KCNIP4: variants seen among roughly 807,000 people sequenced by gnomAD.
The protein encoded by KCNIP4 is Kv channel-interacting protein 4.
In KCNIP4, 12 loss-of-function variants were observed where a neutral mutation model predicts 34.0. The observed-to-expected ratio is 0.35, with a 90% CI of 0.23 to 0.57. The LOEUF is 0.57. Among genes scored for constraint, KCNIP4 ranks in the 20% least tolerant of loss-of-function variants. The pLI is 0.83. For missense variants in KCNIP4, 238 were observed against 311.7 expected (o/e 0.76, Z 1.78); for synonymous variants, 124 against 102.2 (o/e 1.21, Z -1.29).
At chr4:21,057,206 T>C (rs1743486305) in intron 1 of KCNIP4, among the ~76,000 whole-genome samples, 1 of 152,124 alleles carries the variant, frequency 6.6e-6, no homozygotes. Flanking sequence ...TTACAATGCG[T>C]ACAAATCATA....
intron 1 of KCNIP4, among the ~76,000 whole-genome samples, chr4:21,439,271 C>T (rs1727235636): frequency 6.6e-6 from 1 of 151,758 alleles, no homozygotes; most frequent in East Asian, 1.9e-4. Flanking sequence ...ATGTAGATGG[C>T]TTTTTCAAGG....
chr4:21,565,130 A>C (rs1739759193), intron 1 of KCNIP4, among the ~76,000 whole-genome samples: 1 of 152,116 alleles, frequency 6.6e-6, no homozygotes, highest in African/African-American at 2.4e-5. Flanking sequence ...ACCATAACAA[A>C]ATACCATAGA....
At chr4:21,083,062 G>C (rs956324600) in intron 1 of KCNIP4, among the ~76,000 whole-genome samples, 7 of 151,724 alleles carry the variant, frequency 4.6e-5, no homozygotes, top group African/African-American at 1.5e-4. Flanking sequence ...GGTCTCTTTG[G>C]TTTCAAAGGC....
chr4:21,532,717 C>G (rs73801663), intron 1 of KCNIP4, among the ~76,000 whole-genome samples: 1 of 152,114 alleles, frequency 6.6e-6, no homozygotes, highest in Non-Finnish European at 1.5e-5. Flanking sequence ...AGTGTAGCCA[C>G]TTGCCTTTAG....
At position 21,104,166 on chromosome 4, in the gene KCNIP4, T is replaced by C. The variant is rs538120902; in HGVS notation, c.62-221457A>G. 3.5e-4 allele frequency among the ~76,000 whole-genome samples: 48 copies of C among 138,302 alleles called. No homozygotes were observed. The South Asian group carries it at 6.0e-3, about 17-fold the overall frequency. The allele number at this position is 138,302 out of a possible 152,430, so 90.7% of individuals were successfully genotyped here. On this transcript the variant is annotated intron_variant, in intron 1 of 8. Transcript: ENST00000382152. The stretch of plus-strand genomic sequence containing the variant: ...ATCCCTAAGGAATCGCCACACTGTC[T>C]TCCACAATGGTTGAAATGGTTGAAC...
At chr4:21,046,228 G>A (rs1484500867) in intron 1 of KCNIP4, among the ~76,000 whole-genome samples, 1 of 152,152 alleles carries the variant, frequency 6.6e-6, no homozygotes, top group East Asian at 1.9e-4. Flanking sequence ...AAAGAATGAG[G>A]AAACTCATAG....
At chr4:20,959,745 T>C (rs368829137) in intron 1 of KCNIP4, among the ~76,000 whole-genome samples, 4 of 152,174 alleles carry the variant, frequency 2.6e-5, no homozygotes, top group African/African-American at 4.8e-5. Context: ...AGAAACCTTA[T>C]CTTTAACGGA....
At chr4:20,928,957 A>G (rs1730166197) in intron 1 of KCNIP4, among the ~76,000 whole-genome samples, 2 of 152,020 alleles carry the variant, frequency 1.3e-5, no homozygotes, top group South Asian at 2.1e-4. Flanking sequence ...GAATTCTACT[A>G]AACATTCAAA....
At chr4:20,878,018 A>G (rs1239031994) in intron 2 of KCNIP4, among the ~76,000 whole-genome samples, 1 of 150,960 alleles carries the variant, frequency 6.6e-6, no homozygotes, top group East Asian at 2.0e-4. Context: ...AACAGCTACT[A>G]CTCTAGACCT....
chr4:21,643,357 G>T (rs1746752194), intron 1 of KCNIP4, among the ~76,000 whole-genome samples: 1 of 152,102 alleles, frequency 6.6e-6, no homozygotes, highest in South Asian at 2.1e-4. Context: ...AAGGGTTAGT[G>T]CATTTTTAGT....
intron 1 of KCNIP4, among the ~76,000 whole-genome samples, chr4:21,567,009 T>C (rs998747077): frequency 6.6e-5 from 10 of 152,264 alleles, no homozygotes; most frequent in Admixed American, 1.3e-4. Context: ...TATATTACGG[T>C]AACTATCAAT....
chr4:21,478,780 A>G (rs192042282), intron 1 of KCNIP4, among the ~76,000 whole-genome samples: 1 of 152,314 alleles, frequency 6.6e-6, no homozygotes, highest in Admixed American at 6.5e-5. Flanking sequence ...TAGGGTTTCT[A>G]GATTCAATCT....
At chr4:20,848,070 T>C (rs150290358) in intron 3 of KCNIP4, among the ~76,000 whole-genome samples, 8 of 152,286 alleles carry the variant, frequency 5.3e-5, no homozygotes, top group Non-Finnish European at 1.0e-4. Context: ...ATTAGAATTG[T>C]ACATTTGACT....
chr4:21,362,323 C>T (rs142916037), intron 1 of KCNIP4, among the ~76,000 whole-genome samples: 137 of 152,194 alleles, frequency 9.0e-4, no homozygotes, highest in African/African-American at 3.1e-3. Flanking sequence ...CTCATGGTCA[C>T]GAAAGCAGTG....
At chr4:21,380,423 G>A (rs910735917) in intron 1 of KCNIP4, among the ~76,000 whole-genome samples, 2 of 127,744 alleles carry the variant, frequency 1.6e-5, no homozygotes, top group African/African-American at 6.0e-5. Context: ...GGGGGTCTGG[G>A]GGATGATGAG....
At chr4:21,494,717 G>A (rs1732708467) in intron 1 of KCNIP4, among the ~76,000 whole-genome samples, 1 of 149,550 alleles carries the variant, frequency 6.7e-6, no homozygotes, top group South Asian at 2.1e-4. Flanking sequence ...AGGTTGCGGT[G>A]AGCCAAGATC....
intron 1 of KCNIP4, among the ~76,000 whole-genome samples, chr4:21,339,977 A>G (rs960971683): frequency 3.9e-4 from 60 of 152,124 alleles, no homozygotes; most frequent in Non-Finnish European, 3.7e-4. Context: ...GTCTAGTTCT[A>G]TGTAATTTCT....
chr4:21,775,511 C>A (rs889579527), intron 1 of KCNIP4, among the ~76,000 whole-genome samples: 1 of 152,144 alleles, frequency 6.6e-6, no homozygotes, highest in Non-Finnish European at 1.5e-5. Flanking sequence ...TGCTTTTCTT[C>A]GGGGGAAACC....
chr4:21,679,511 C>T (rs1750177830), intron 1 of KCNIP4, among the ~76,000 whole-genome samples: 1 of 152,076 alleles, frequency 6.6e-6, no homozygotes, highest in East Asian at 1.9e-4. Flanking sequence ...AACTCCACAC[C>T]CATGGCCAGT....
Sources: allele counts gnomAD v4.1 joint callset (sites outside exome capture counted in the v4.1 genomes callset), GRCh38; gene constraint gnomAD v4.1.1; transcripts MANE v1.5; gene names NCBI Gene and HGNC (gene_info 2026-07-23, HGNC 2026-07-21).